LARP4: variants seen among roughly 807,000 people sequenced by gnomAD.
LARP4 encodes La ribonucleoprotein 4.
A neutral mutation model predicts 92.9 loss-of-function variants in LARP4; 29 were observed. The observed-to-expected ratio is 0.31, with a 90% CI of 0.23 to 0.43. The LOEUF (loss-of-function observed/expected upper bound fraction) is 0.43, where lower values mean the gene tolerates loss of function less well. LARP4 is among the 20% of genes least tolerant of loss of function. The probability of loss-of-function intolerance (pLI) is 1.00; values close to 1 mark genes in which losing one functional copy is unlikely to be tolerated. For missense variants in LARP4, 732 were observed against 860.0 expected (o/e 0.85, Z 1.86); for synonymous variants, 279 against 284.1 (o/e 0.98, Z 0.18).
chr12:50,467,940 G>A (rs1956375216), intron 13 of LARP4, among the ~76,000 whole-genome samples: 1 of 151,620 alleles, frequency 6.6e-6, no homozygotes. Flanking sequence ...CAGCTCCTTA[G>A]TTTTTCTCCC....
chr12:50,456,727 C>T (rs1297773953), intron 10 of LARP4, among the ~76,000 whole-genome samples: 1 of 151,876 alleles, frequency 6.6e-6, no homozygotes, highest in Non-Finnish European at 1.5e-5. Context: ...TCTCTTTTGC[C>T]TGGATCGAGA....
intron 10 of LARP4, among the ~76,000 whole-genome samples, chr12:50,456,000 C>T (rs894013416): frequency 9.2e-5 from 14 of 152,064 alleles, no homozygotes; most frequent in Admixed American, 7.2e-4. Flanking sequence ...TGCAGTGAGC[C>T]GAGATCATAC....
At chr12:50,430,977 A>G (rs1949564394) in intron 4 of LARP4, among the ~76,000 whole-genome samples, 1 of 152,132 alleles carries the variant, frequency 6.6e-6, no homozygotes, top group Non-Finnish European at 1.5e-5. Flanking sequence ...TCTAGATTTA[A>G]AAGTGTAGGG....
chr12:50,462,350 C>T (rs984475720), intron 11 of LARP4, among the ~76,000 whole-genome samples: 8 of 151,886 alleles, frequency 5.3e-5, no homozygotes, highest in Admixed American at 1.3e-4. Flanking sequence ...TGTGGCAACA[C>T]GTGCCTGTAA....
At chr12:50,433,922 G>A (rs1312883466) in intron 4 of LARP4, among the ~76,000 whole-genome samples, 8 of 152,116 alleles carry the variant, frequency 5.3e-5, no homozygotes, top group Non-Finnish European at 1.2e-4. Context: ...TTACAGGTGT[G>A]AGCCACCATG....
chr12:50,474,857 A>G (rs1373844274), intron 15 of LARP4, among the ~76,000 whole-genome samples: 2 of 152,208 alleles, frequency 1.3e-5, no homozygotes, highest in African/African-American at 2.4e-5. Context: ...GAATTGTTTT[A>G]TAGTTATATA....
At chr12:50,428,337 C>G (rs528339174) in intron 2 of LARP4, among the ~76,000 whole-genome samples, 25 of 152,114 alleles carry the variant, frequency 1.6e-4, no homozygotes, top group African/African-American at 4.8e-4. Context: ...CAGGATATAT[C>G]CTTTGATTAT....
chr12:50,475,521 C>A lies in LARP4; in HGVS notation c.1837-5C>A. On this transcript the variant is annotated splice_polypyrimidine_tract_variant and splice_region_variant and intron_variant, in intron 15 of 15. Coordinates refer to ENST00000398473, the MANE Select transcript of LARP4 (RefSeq NM_052879.5). ...TAAATGTTTTTTTTTATCATCACTT[C>A]AAAGGAACCCCGAAAGTTAAGTTAT... The A allele has an allele frequency of 6.3e-7, 1 of 1,593,074 alleles. No homozygotes were observed. The highest frequency in any genetic ancestry group is 1.8e-5 in the Admixed American group (1 of 55,156).
chr12:50,414,459 A>G (rs1946429598), intron 1 of LARP4, among the ~76,000 whole-genome samples: 1 of 152,078 alleles, frequency 6.6e-6, no homozygotes. Flanking sequence ...GCATGTTACC[A>G]TGCCTGGCTA....
chr12:50,437,473 C>A (rs1565613549), intron 5 of LARP4, among the ~76,000 whole-genome samples: 1 of 152,038 alleles, frequency 6.6e-6, no homozygotes, highest in Non-Finnish European at 1.5e-5. Context: ...TTGTATGCTC[C>A]CTGAAGGCAG....
intron 14 of LARP4, among the ~76,000 whole-genome samples, 167 bp from the exon 15 acceptor site, chr12:50,473,832 C>T (rs1406889242): frequency 1.7e-4 from 5 of 29,774 alleles, no homozygotes; most frequent in Non-Finnish European, 2.1e-4. Flanking sequence ...GTGGGGGGTG[C>T]GGGGCGGGCA....
rs568759534 is a variant in LARP4 at position 50,406,361 on chromosome 12, T to C, written c.18+5333T>C. On this transcript the variant is annotated intron_variant, in intron 1 of 15. Coordinates refer to ENST00000398473, the MANE Select transcript of LARP4 (RefSeq NM_052879.5). ...AAAATTAGCCAGGCCTGGTGGCATG[T>C]GTTGTGGTCCCAGCTACACTTGAGG... Among the ~76,000 whole-genome samples the C allele has an allele frequency of 3.3e-4, 49 of 146,566 alleles. 1 individual carries two copies. The highest frequency in any genetic ancestry group is 1.5e-3 in the Admixed American group (21 of 14,340).
rs1949494880 is a variant in LARP4 at position 50,430,576 on chromosome 12, G to A, written c.398+6G>A. The A allele has an allele frequency of 1.3e-6, 2 of 1,561,100 alleles. No individual in the cohort carries two copies. Among genetic ancestry groups the A allele is most frequent in the African/African-American group, 1.4e-5 (1 of 73,672 alleles). On this transcript the variant is annotated splice_donor_region_variant and intron_variant, in intron 4 of 15. Coordinates refer to ENST00000398473, the MANE Select transcript of LARP4 (RefSeq NM_052879.5). ...TTAGAATTCTGTTTTTCACGGTATT[G>A]CTGTTTCCCCTTTATTGAATTTTAT...
intron 10 of LARP4, among the ~76,000 whole-genome samples, chr12:50,455,324 T>C (rs1954020001): frequency 6.6e-6 from 1 of 152,184 alleles, no homozygotes; most frequent in South Asian, 2.1e-4. Flanking sequence ...CACCTTGGCC[T>C]CCCAAATTGC....
chr12:50,451,950 C>T (rs538605314), intron 8 of LARP4, among the ~76,000 whole-genome samples: 1 of 152,164 alleles, frequency 6.6e-6, no homozygotes, highest in South Asian at 2.1e-4. Context: ...TTGCAGTGAG[C>T]CAAGATTGCA....
At position 50,478,640 on chromosome 12, in the gene LARP4, A is replaced by G. The variant is rs184365560; in HGVS notation, c.*2776A>G. On this transcript the variant is annotated 3_prime_UTR_variant, in exon 16 of 16. Coordinates refer to ENST00000398473, the MANE Select transcript of LARP4 (RefSeq NM_052879.5). ...ATGTTGGGTATAGTGATACTCTGCC[A>G]TAGTTCTTACTGCATGAAGAGAACA... 2.0e-5 allele frequency: 3 copies of G among 152,300 alleles called. No homozygotes were observed. Among genetic ancestry groups the G allele is most frequent in the Admixed American group, 6.5e-5 (1 of 15,290 alleles). 9.4% of individuals were successfully genotyped at this position (152,300 alleles called of 1,614,324 possible). A position where few individuals can be genotyped will look rare whatever the true frequency, so the allele number is the denominator to read the frequency against.
At position 50,474,053 on chromosome 12, in the gene LARP4, T is replaced by G. The variant is rs1247511879; in HGVS notation, c.1722T>G (p.Gly574=). Reference sequence around the variant, plus strand: ...AAGATTCCTCTGTTCAGAAGGATGGTCTCAATCAGACAACTATACCAGTTT... The same window carrying G: ...AAGATTCCTCTGTTCAGAAGGATGGGCTCAATCAGACAACTATACCAGTTT... ...LIEDSSVQKD[G]LNQTTIPVSP... The change falls in exon 15 of 16, where the codon GGT becomes GGG. Residue 574 remains glycine, a synonymous_variant. Transcript: ENST00000398473. 6.2e-7 allele frequency: 1 copy of G among 1,612,338 alleles called. No homozygotes were observed. Among genetic ancestry groups the G allele is most frequent in the Non-Finnish European group, 8.5e-7 (1 of 1,179,902 alleles).
At chr12:50,456,737 ATTG>A (rs1248101240) in intron 10 of LARP4, among the ~76,000 whole-genome samples, 3 of 151,504 alleles carry the variant, frequency 2.0e-5, no homozygotes, top group Non-Finnish European at 2.9e-5. Flanking sequence ...CTGGATCGAG[ATTG>A]TTAAGTCCCT....
rs146985373 is a variant in LARP4 at position 50,430,425 on chromosome 12, C to T, written c.323-70C>T. On this transcript the variant is annotated intron_variant, in intron 3 of 15. Coordinates refer to ENST00000398473, the MANE Select transcript of LARP4 (RefSeq NM_052879.5). ...GATACTTTGTGGCTTCTGAGTACAA[C>T]AGTATGTCAGATTTATCACCTCTAC... is the stretch of plus-strand genomic sequence containing the variant. 763 of 778,672 alleles carry T rather than the reference C, an allele frequency of 9.8e-4. 5 individuals carry two copies. Among genetic ancestry groups the T allele is most frequent in the African/African-American group, 8.9e-3 (510 of 57,508 alleles). 48.2% of individuals were successfully genotyped at this position (778,672 alleles called of 1,614,324 possible). A position where few individuals can be genotyped will look rare whatever the true frequency, so the allele number is the denominator to read the frequency against.
Sources: gnomAD v4.1 joint callset for allele counts (sites outside exome capture counted in the v4.1 genomes callset) on GRCh38, gnomAD v4.1.1 for gene constraint, MANE v1.5 for transcripts, NCBI Gene and HGNC (gene_info 2026-07-23, HGNC 2026-07-21) for gene names.